Variants in CFAP36 observed in about 807,000 individuals in gnomAD.
The protein encoded by CFAP36 is cilia- and flagella-associated protein 36.
CFAP36 carries 37 observed loss-of-function variants against 50.5 expected under a neutral mutation model. The observed-to-expected ratio is 0.73, with a 90% CI of 0.56 to 0.96. The LOEUF is 0.96. Ranked by LOEUF, CFAP36 falls within the 50% of genes least tolerant of loss-of-function variation. The pLI, the probability that CFAP36 is intolerant of heterozygous loss-of-function variation, is 0.00. For synonymous variants in CFAP36, 138 were observed against 128.2 expected (o/e 1.08, Z -0.52); for missense variants, 407 against 396.2 (o/e 1.03, Z -0.23).
At chr2:55,544,154 G>C in intron 8 of CFAP36, 66 bp from the exon 9 acceptor site, 1 of 1,609,244 alleles carries the variant, frequency 6.2e-7, no homozygotes, top group Non-Finnish European at 8.5e-7. Context: ...GAATCACTCA[G>C]TGGGCATCTG....
chr2:55,534,278 C>A (rs1351901455), intron 5 of CFAP36, among the ~76,000 whole-genome samples: 3 of 152,296 alleles, frequency 2.0e-5, no homozygotes, highest in Admixed American at 2.0e-4. Context: ...ATGACTTGAG[C>A]TAAACAGCTT....
intron 4 of CFAP36, among the ~76,000 whole-genome samples, 189 bp from the exon 5 acceptor site, chr2:55,533,684 G>T (rs1403505845): frequency 2.6e-5 from 3 of 114,408 alleles, no homozygotes; most frequent in Non-Finnish European, 5.5e-5. Context: ...GACAGAAAGA[G>T]ACTCTGTCTC....
intron 3 of CFAP36, among the ~76,000 whole-genome samples, chr2:55,524,723 T>A (rs1684157421): frequency 6.6e-6 from 1 of 152,114 alleles, no homozygotes; most frequent in African/African-American, 2.4e-5. Flanking sequence ...GGCTCACGCC[T>A]GTAATCCCAG....
At chr2:55,535,969 T>C in intron 6 of CFAP36, 18 of 971,274 alleles carry the variant, frequency 1.9e-5, no homozygotes, top group Non-Finnish European at 2.2e-5. Context: ...GTACTATATA[T>C]ACTTAACTGT....
chr2:55,537,464 G>A lies in CFAP36; in HGVS notation c.538-19G>A. On this transcript the variant is annotated intron_variant, in intron 6 of 9. Transcript: ENST00000349456. ...TAAATTGTGTGTTTTTTAAAAAATT[G>A]TATTATGGAATCCTGAAGTTATCAG... 1 of 1,537,852 alleles carries A rather than the reference G, an allele frequency of 6.5e-7. No homozygotes were observed. The highest frequency in any genetic ancestry group is 8.9e-7 in the Non-Finnish European group (1 of 1,124,858).
chr2:55,540,393 C>T (rs1335039581), intron 7 of CFAP36, among the ~76,000 whole-genome samples: 1 of 152,108 alleles, frequency 6.6e-6, no homozygotes. Flanking sequence ...GCTCCTTTGT[C>T]AAAGATAAAT....
At chr2:55,528,217 A>G (rs66545054) in intron 3 of CFAP36, among the ~76,000 whole-genome samples, 33,522 of 150,782 alleles carry the variant, frequency 0.22, 3,841 homozygotes, top group East Asian at 0.34. Context: ...TAATCATAGA[A>G]TAATCATAAA....
intron 1 of CFAP36, chr2:55,520,255 G>A (rs1684025440): frequency 7.3e-6 from 5 of 686,464 alleles, no homozygotes; most frequent in Non-Finnish European, 1.2e-5. Flanking sequence ...TCTGCCCTCG[G>A]CAGGTGGACT....
intron 3 of CFAP36, among the ~76,000 whole-genome samples, chr2:55,527,464 C>G (rs546090665): frequency 6.6e-4 from 101 of 152,194 alleles, no homozygotes; most frequent in African/African-American, 2.3e-3. Flanking sequence ...CACCTGTAAT[C>G]CCAGCTACTC....
In CFAP36 at chr2:55,545,039, T is replaced by C; in HGVS notation, c.*31T>C. 1 of 1,281,964 alleles carries C rather than the reference T, an allele frequency of 7.8e-7. No individual in the cohort carries two copies. The highest frequency in any genetic ancestry group is 1.1e-6 in the Non-Finnish European group (1 of 917,664). 79.4% of individuals were successfully genotyped at this position (1,281,964 alleles called of 1,614,324 possible). On this transcript the variant is annotated 3_prime_UTR_variant, in exon 10 of 10. Transcript: ENST00000349456. Reference sequence around the variant, plus strand: ...AAGAACAATTTAACAAAATGGAAGTTCAAATTGTCTTAAAAATAAATTATT... The same window carrying C: ...AAGAACAATTTAACAAAATGGAAGTCCAAATTGTCTTAAAAATAAATTATT...
In CFAP36 at chr2:55,523,803, C is replaced by T; in HGVS notation, c.263C>T (p.Ala88Val). 1 of 1,607,694 alleles carries T rather than the reference C, an allele frequency of 6.2e-7. No individual in the cohort carries two copies. The change falls in exon 3 of 10, where the codon GCA becomes GTA. Residue 88 changes from alanine to valine, a missense_variant. Ala to Val is a moderately conservative substitution (Grantham distance 64, BLOSUM62 0). Transcript: ENST00000349456. ...QFQEACTSPL[A>V]KTHTSQAILQ... ...CAAGAAGCATGCACTTCTCCTCTTG[C>T]AAAGACCCATACATCACAGGTTTTT...
chr2:55,520,335 A>G (rs76100373), intron 1 of CFAP36: 151,892 of 1,351,580 alleles, frequency 0.11, 9,272 homozygotes, highest in South Asian at 0.14. Flanking sequence ...TGAGTTCCTT[A>G]TGATCCCTAG....
At chr2:55,524,205 G>A (rs72803508) in intron 3 of CFAP36, among the ~76,000 whole-genome samples, 5,505 of 152,192 alleles carry the variant, frequency 0.036, 139 homozygotes, top group South Asian at 0.089. Flanking sequence ...TTATCTTACT[G>A]GTTGTGTAGT....
intron 6 of CFAP36, among the ~76,000 whole-genome samples, chr2:55,536,849 A>T (rs1035806796): frequency 3.3e-5 from 5 of 151,644 alleles, no homozygotes; most frequent in Non-Finnish European, 1.5e-5. Context: ...GGCTCAAGCG[A>T]TTCTCGTGCC....
At chr2:55,520,334 T>A (rs2103626856) in intron 1 of CFAP36, 1 of 1,350,928 alleles carries the variant, frequency 7.4e-7, no homozygotes, top group East Asian at 2.6e-5. Context: ...CTGAGTTCCT[T>A]ATGATCCCTA....
At chr2:55,541,654 C>T (rs1684642246) in intron 7 of CFAP36, among the ~76,000 whole-genome samples, 1 of 152,138 alleles carries the variant, frequency 6.6e-6, no homozygotes, top group Non-Finnish European at 1.5e-5. Flanking sequence ...CAAATAAAGA[C>T]ATTTTTATTT....
chr2:55,535,511 C>A (rs910339055), intron 5 of CFAP36, among the ~76,000 whole-genome samples: 1 of 152,204 alleles, frequency 6.6e-6, no homozygotes, highest in African/African-American at 2.4e-5. Context: ...TTTTGTGTTA[C>A]TAACTGTATT....
chr2:55,522,714 G>T (rs1028868938), intron 2 of CFAP36, among the ~76,000 whole-genome samples: 5 of 152,138 alleles, frequency 3.3e-5, no homozygotes, highest in Admixed American at 6.5e-5. Context: ...TGGAACTCCA[G>T]AGCTCAAGTG....
Position 55,535,775 on chromosome 2 carries a change from A to C in CFAP36, c.537+12A>C. 4 of 1,554,310 alleles carry C rather than the reference A, an allele frequency of 2.6e-6. No individual in the cohort carries two copies. Among genetic ancestry groups the C allele is most frequent in the Non-Finnish European group, 3.5e-6 (4 of 1,158,822 alleles). On this transcript the variant is annotated intron_variant, in intron 6 of 9. Transcript: ENST00000349456. Reference sequence around the variant, plus strand: ...AGAGGAAAAAACAGGTGCCTACAGAACATATAACAGAAGTATTTTATTGCT... The same window carrying C: ...AGAGGAAAAAACAGGTGCCTACAGACCATATAACAGAAGTATTTTATTGCT...
Sources: gnomAD v4.1 joint callset for allele counts (sites outside exome capture counted in the v4.1 genomes callset) on GRCh38, gnomAD v4.1.1 for gene constraint, MANE v1.5 for transcripts, NCBI Gene and HGNC (gene_info 2026-07-23, HGNC 2026-07-21) for gene names.